Variants in DST observed in about 807,000 individuals in gnomAD.
DST encodes bullous pemphigoid antigen.
Under a neutral mutation model 875.2 loss-of-function variants are expected in DST, and 253 were observed. The ratio of observed to expected loss-of-function variants is 0.29; its 90% CI spans 0.26 to 0.32. The LOEUF is 0.32. DST is among the 10% of genes least tolerant of loss of function. The probability of loss-of-function intolerance (pLI) is 1.00; values close to 1 mark genes in which losing one functional copy is unlikely to be tolerated. For synonymous variants in DST, 3,124 were observed against 3,197.1 expected (o/e 0.98, Z 0.77); for missense variants, 8,287 against 9,111.6 (o/e 0.91, Z 3.68).
At chr6:56,612,324 G>A (rs189381665) in intron 37 of DST, among the ~76,000 whole-genome samples, 16 of 152,274 alleles carry the variant, frequency 1.1e-4, no homozygotes, top group African/African-American at 2.2e-4. Flanking sequence ...AGCTGAGGTC[G>A]TGCCACTGCA....
chr6:56,690,286 G>A lies in DST; in HGVS notation c.1047+9367C>T, dbSNP rs147880942. Among the ~76,000 whole-genome samples the A allele has an allele frequency of 1.1e-4, 16 of 152,220 alleles. No individual in the cohort carries two copies. The East Asian group carries it at 2.5e-3, about 24-fold the overall frequency. On this transcript the variant is annotated intron_variant, in intron 9 of 103. Transcript: ENST00000680361. ...AGTTGTTTGGATGATCAAATGACGCGATGTGTCTGAAACCATTATTCCAAT... is the reference window on the plus strand; with the variant it reads ...AGTTGTTTGGATGATCAAATGACGCAATGTGTCTGAAACCATTATTCCAAT...
chr6:56,545,872 G>A (rs1002682233), intron 61 of DST, among the ~76,000 whole-genome samples: 4 of 152,146 alleles, frequency 2.6e-5, no homozygotes, highest in African/African-American at 9.7e-5. Context: ...TGTGCTGCAA[G>A]TACATAAACA....
chr6:56,473,947 G>A lies in DST; in HGVS notation c.21920C>T (p.Thr7307Ile). 1 of 1,588,044 alleles carries A rather than the reference G, an allele frequency of 6.3e-7. No individual in the cohort carries two copies. Among genetic ancestry groups the A allele is most frequent in the Non-Finnish European group, 8.6e-7 (1 of 1,165,008 alleles). The change falls in exon 93 of 104, where the codon ACC (threonine) becomes ATC (isoleucine). Residue 7307 changes from threonine to isoleucine, a missense_variant. Thr to Ile is a moderately conservative substitution (Grantham distance 89). This residue lies in a region of DST where 1,292 missense variants were observed against 1,552.7 expected (regional missense o/e 0.83). Transcript: ENST00000680361. The part of the protein sequence containing the change: ...KQPDVDKVTK[T>I]YKRRAADPSS... Reference sequence around the variant, plus strand: ...AGGATCAGCAGCTCTCCTCTTATAGGTCTTCGTTACTTTATCAACATCAGG... The same window carrying A: ...AGGATCAGCAGCTCTCCTCTTATAGATCTTCGTTACTTTATCAACATCAGG...
At chr6:56,922,695 T>C (rs1804930302) in intron 2 of DST, among the ~76,000 whole-genome samples, 1 of 152,184 alleles carries the variant, frequency 6.6e-6, no homozygotes, top group Admixed American at 6.5e-5. Flanking sequence ...TCCAGCTGCA[T>C]GAATGGTTCT....
chr6:56,476,715 G>C (rs929937725), intron 91 of DST, among the ~76,000 whole-genome samples: 52 of 152,192 alleles, frequency 3.4e-4, no homozygotes, highest in African/African-American at 1.2e-3. Flanking sequence ...CCAGCACTTT[G>C]GGAGGCCGAG....
chr6:56,500,522 GAC>G lies in DST; in HGVS notation c.19896+556_19896+557del, dbSNP rs555345220. Among the ~76,000 whole-genome samples, 338 of 152,162 alleles carry G rather than the reference GAC, an allele frequency of 2.2e-3. 2 individuals are homozygous for G. The highest frequency in any genetic ancestry group is 7.7e-3 in the African/African-American group (321 of 41,526). ...CTTTAAAAAATCCAGAAAGGAGTAA[GAC>G]ACAAAAATCCAGTCAAAGACAAGAG... On this transcript the variant is annotated intron_variant, in intron 80 of 103. Transcript: ENST00000680361.
chr6:56,543,237 GAAGA>G (rs1259208525), intron 61 of DST, among the ~76,000 whole-genome samples: 1 of 152,216 alleles, frequency 6.6e-6, no homozygotes, highest in Non-Finnish European at 1.5e-5. Flanking sequence ...CTTTTACACT[GAAGA>G]ATCTGATGCT....
intron 9 of DST, among the ~76,000 whole-genome samples, chr6:56,681,328 C>A (rs1236979279): frequency 1.3e-5 from 2 of 152,162 alleles, no homozygotes; most frequent in African/African-American, 2.4e-5. Context: ...CCCTCTGACA[C>A]CCACCCCAAA....
intron 88 of DST, among the ~76,000 whole-genome samples, chr6:56,483,285 G>T (rs1332438115): frequency 1.3e-5 from 2 of 152,126 alleles, no homozygotes; most frequent in African/African-American, 4.8e-5. Flanking sequence ...AGTGGATGCT[G>T]GCTTTGGCAC....
chr6:56,629,029 C>T (rs1231345923), intron 32 of DST, among the ~76,000 whole-genome samples: 2 of 151,988 alleles, frequency 1.3e-5, no homozygotes, highest in Non-Finnish European at 2.9e-5. Flanking sequence ...TATATAAATG[C>T]TAGAATACAT....
At chr6:56,477,515 A>T in intron 90 of DST, 27 bp from the exon 91 acceptor site, 1 of 1,613,588 alleles carries the variant, frequency 6.2e-7, no homozygotes, top group Non-Finnish European at 8.5e-7. Context: ...GACTTCAATT[A>T]ACTGTTGGCA....
intron 55 of DST, among the ~76,000 whole-genome samples, chr6:56,565,621 G>C (rs2097660906): frequency 6.6e-6 from 1 of 152,184 alleles, no homozygotes; most frequent in African/African-American, 2.4e-5. Flanking sequence ...TCTCCTGTAT[G>C]AGATGTCTGT....
rs1367774244 is a variant in DST, at chr6:56,606,136, A to C, written c.8492T>G (p.Val2831Gly). 1 of 1,612,044 alleles carries C rather than the reference A, an allele frequency of 6.2e-7. No individual in the cohort carries two copies. The highest frequency in any genetic ancestry group is 2.2e-5 in the East Asian group (1 of 44,782). ...DENGKPRCQNVAEDMDIQLCA... is the reference protein window; with the variant it reads ...DENGKPRCQNGAEDMDIQLCA... Reference sequence around the variant, plus strand: ...CAACTGGATATCCATATCTTCAGCCACATTTTGGCACCTGGGCTTTCCATT... The same window carrying C: ...CAACTGGATATCCATATCTTCAGCCCCATTTTGGCACCTGGGCTTTCCATT... The change falls in exon 40 of 104, where the codon GTG (valine) becomes GGG (glycine). Residue 2831 changes from valine to glycine, a missense_variant. Physicochemically the swap from Val to Gly is moderately radical, Grantham distance 109. This residue lies in a region of DST where 3,138 missense variants were observed against 3,116.6 expected (regional missense o/e 1.01). Transcript: ENST00000680361.
intron 5 of DST, among the ~76,000 whole-genome samples, chr6:56,720,494 C>T (rs532313928): frequency 3.9e-5 from 6 of 152,074 alleles, no homozygotes; most frequent in Middle Eastern, 6.8e-3. Flanking sequence ...AGGCAGAGGT[C>T]CCTGCGGCCT....
intron 5 of DST, among the ~76,000 whole-genome samples, chr6:56,721,147 G>A (rs1435726880): frequency 4.0e-5 from 6 of 150,314 alleles, no homozygotes; most frequent in South Asian, 4.2e-4. Context: ...GGGCAGGGGC[G>A]GCCCCCCCCA....
chr6:56,938,102 C>CTATA (rs1814046851), intron 2 of DST, among the ~76,000 whole-genome samples: 1 of 32,224 alleles, frequency 3.1e-5, no homozygotes, highest in South Asian at 1.8e-3. Context: ...CTCTCTCTCT[C>CTATA]TCTCTCTATA....
intron 69 of DST, 70 bp from the exon 70 acceptor site, chr6:56,517,690 TC>T (rs761432099): frequency 9.9e-6 from 15 of 1,508,458 alleles, no homozygotes; most frequent in Non-Finnish European, 1.2e-5. Flanking sequence ...TATCTACAGT[TC>T]TTTGAAATAT....
At chr6:56,462,318 C>T (rs745547926) in intron 102 of DST, among the ~76,000 whole-genome samples, 2 of 152,102 alleles carry the variant, frequency 1.3e-5, no homozygotes, top group Non-Finnish European at 2.9e-5. Flanking sequence ...TACATGAGTT[C>T]ATCTTGGCAA....
At chr6:56,550,131 C>T (rs890202969) in intron 61 of DST, among the ~76,000 whole-genome samples, 2 of 152,152 alleles carry the variant, frequency 1.3e-5, no homozygotes, top group Non-Finnish European at 2.9e-5. Flanking sequence ...CACACACATA[C>T]ACAGATAAAT....
Sources: gnomAD v4.1 joint callset for allele counts (sites outside exome capture counted in the v4.1 genomes callset) on GRCh38, gnomAD v4.1.1 for gene constraint, gnomAD v4.1.1 regional missense constraint, MANE v1.5 for transcripts, NCBI Gene and HGNC (gene_info 2026-07-23, HGNC 2026-07-21) for gene names.